The following ELMO1 variants were observed in gnomAD, a reference collection of about 807,000 sequenced individuals.
The protein encoded by ELMO1 is engulfment and cell motility protein 1.
A neutral mutation model predicts 98.9 loss-of-function variants in ELMO1; 26 were observed. That is an observed-to-expected ratio of 0.26 (90% CI 0.19 to 0.36). The LOEUF is 0.36. Among genes scored for constraint, ELMO1 ranks in the 10% least tolerant of loss-of-function variants. The probability of loss-of-function intolerance (pLI) is 1.00; values close to 1 mark genes in which losing one functional copy is unlikely to be tolerated. For synonymous variants in ELMO1, 346 were observed against 346.0 expected (o/e 1.00, Z 0.00); for missense variants, 627 against 935.2 (o/e 0.67, Z 4.30).
chr7:36,989,133 C>T (rs769260995), intron 16 of ELMO1, among the ~76,000 whole-genome samples: 1 of 152,168 alleles, frequency 6.6e-6, no homozygotes, highest in Admixed American at 6.5e-5. Flanking sequence ...AGTTCATAAT[C>T]CAGTGCATTC....
At chr7:37,223,118 G>A (rs546927959) in intron 9 of ELMO1, among the ~76,000 whole-genome samples, 2 of 152,262 alleles carry the variant, frequency 1.3e-5, no homozygotes, top group East Asian at 3.9e-4. Flanking sequence ...ACATTCTTGG[G>A]CTAATTGGAT....
chr7:37,221,008 G>C (rs1309844507), intron 10 of ELMO1, among the ~76,000 whole-genome samples: 5 of 152,134 alleles, frequency 3.3e-5, no homozygotes, highest in African/African-American at 1.2e-4. Flanking sequence ...CGGGCTGCTT[G>C]GGAGTTATGA....
intron 1 of ELMO1, among the ~76,000 whole-genome samples, chr7:37,414,864 C>T (rs367740347): frequency 1.3e-4 from 20 of 152,308 alleles, no homozygotes; most frequent in African/African-American, 4.8e-4. Context: ...AAGAAGTAAA[C>T]GCTGGGCAGG....
intron 21 of ELMO1, among the ~76,000 whole-genome samples, chr7:36,856,824 G>T (rs1196429701): frequency 6.6e-6 from 1 of 152,170 alleles, no homozygotes; most frequent in Non-Finnish European, 1.5e-5. Flanking sequence ...AACAGCAATT[G>T]TTCTCCTCTT....
chr7:36,926,474 C>T (rs1785584351), intron 16 of ELMO1, among the ~76,000 whole-genome samples: 1 of 152,086 alleles, frequency 6.6e-6, no homozygotes, highest in Non-Finnish European at 1.5e-5. Context: ...TGCGACCCCC[C>T]TAGAGTCCCA....
chr7:37,174,265 C>T (rs969460424), intron 13 of ELMO1, among the ~76,000 whole-genome samples: 7 of 152,138 alleles, frequency 4.6e-5, no homozygotes, highest in Non-Finnish European at 1.0e-4. Context: ...TACACAACAC[C>T]AAAGCCAAGA....
intron 16 of ELMO1, among the ~76,000 whole-genome samples, chr7:36,987,137 T>C (rs1435562907): frequency 6.6e-6 from 1 of 152,180 alleles, no homozygotes; most frequent in Non-Finnish European, 1.5e-5. Flanking sequence ...TTTTCTGCAT[T>C]AGCACCTCAT....
chr7:37,444,055 C>T (rs1490026683), intron 1 of ELMO1, among the ~76,000 whole-genome samples: 6 of 152,176 alleles, frequency 3.9e-5, no homozygotes, highest in South Asian at 4.1e-4. Context: ...CAGGTGCATG[C>T]CATCATACCC....
At chr7:37,435,450 T>C (rs1805104633) in intron 1 of ELMO1, among the ~76,000 whole-genome samples, 4 of 152,208 alleles carry the variant, frequency 2.6e-5, no homozygotes, top group African/African-American at 7.2e-5. Flanking sequence ...CTATTCCTAA[T>C]ACAACTTCTG....
In ELMO1 at chr7:36,853,247, T is replaced by G. The variant is rs1333639281; in HGVS notation, c.*2304A>C. On this transcript the variant is annotated 3_prime_UTR_variant, in exon 22 of 22. Coordinates refer to ENST00000310758, the MANE Select transcript of ELMO1 (RefSeq NM_014800.11). ...AGGAGCTGGAGAATGCTGCCTTTCATAGTCCTGAAAAGGTTTCTTTCTATT... is the reference window on the plus strand; with the variant it reads ...AGGAGCTGGAGAATGCTGCCTTTCAGAGTCCTGAAAAGGTTTCTTTCTATT... Among the ~76,000 whole-genome samples, 1 of 152,300 alleles carries G rather than the reference T, an allele frequency of 6.6e-6. No individual in the cohort carries two copies. Among genetic ancestry groups the G allele is most frequent in the Non-Finnish European group, 1.5e-5 (1 of 68,020 alleles).
chr7:36,919,131 C>T (rs2129072783), intron 16 of ELMO1, among the ~76,000 whole-genome samples: 1 of 152,262 alleles, frequency 6.6e-6, no homozygotes, highest in South Asian at 2.1e-4. Flanking sequence ...CTTCTCACAG[C>T]TCAATATTCA....
chr7:37,309,127 G>A (rs1583513813), intron 4 of ELMO1, among the ~76,000 whole-genome samples: 1 of 152,106 alleles, frequency 6.6e-6, no homozygotes, highest in Admixed American at 6.5e-5. Flanking sequence ...AATTTATAAA[G>A]AAAAAGAGGT....
intron 13 of ELMO1, among the ~76,000 whole-genome samples, chr7:37,207,074 G>C (rs1189061837): frequency 6.6e-6 from 1 of 152,186 alleles, no homozygotes; most frequent in East Asian, 1.9e-4. Context: ...CTCTAGCCAG[G>C]AACACAACAC....
intron 15 of ELMO1, among the ~76,000 whole-genome samples, chr7:37,043,859 G>A (rs917598393): frequency 8.6e-5 from 13 of 151,882 alleles, no homozygotes; most frequent in South Asian, 2.1e-4. Context: ...GAACTCAGGC[G>A]TCCTTTGCTG....
At chr7:36,912,702 A>T (rs1000298005) in intron 16 of ELMO1, among the ~76,000 whole-genome samples, 1 of 152,208 alleles carries the variant, frequency 6.6e-6, no homozygotes, top group Non-Finnish European at 1.5e-5. Flanking sequence ...TTAGTGATAT[A>T]GAGTGGAAAT....
At chr7:37,335,553 A>G (rs1174750503) in intron 2 of ELMO1, among the ~76,000 whole-genome samples, 1 of 152,172 alleles carries the variant, frequency 6.6e-6, no homozygotes, top group African/African-American at 2.4e-5. Context: ...AGAATCATCC[A>G]TGTCTATTTT....
intron 9 of ELMO1, among the ~76,000 whole-genome samples, chr7:37,224,319 G>T (rs1223355649): frequency 1.3e-5 from 2 of 152,220 alleles, no homozygotes; most frequent in African/African-American, 4.8e-5. Context: ...ACTGCAGGCT[G>T]CAGGGGCAGC....
intron 7 of ELMO1, among the ~76,000 whole-genome samples, chr7:37,233,774 A>G (rs962181145): frequency 1.2e-4 from 19 of 152,194 alleles, no homozygotes; most frequent in African/African-American, 4.6e-4. Context: ...AGATACAAAC[A>G]TGTATGCAAG....
At chr7:37,144,503 G>A (rs570012911) in intron 13 of ELMO1, among the ~76,000 whole-genome samples, 3 of 152,240 alleles carry the variant, frequency 2.0e-5, no homozygotes, top group Admixed American at 1.3e-4. Flanking sequence ...CTTGTTCCAT[G>A]TTATTTTTTT....
Sources: gnomAD v4.1 joint callset for allele counts (sites outside exome capture counted in the v4.1 genomes callset) on GRCh38, gnomAD v4.1.1 for gene constraint, MANE v1.5 for transcripts, NCBI Gene and HGNC (gene_info 2026-07-23, HGNC 2026-07-21) for gene names.